Variants in RTTN observed in about 807,000 individuals in gnomAD.
The protein encoded by RTTN is rotatin.
A neutral mutation model predicts 269.2 loss-of-function variants in RTTN; 182 were observed. The ratio of observed to expected loss-of-function variants is 0.68; its 90% CI spans 0.60 to 0.76. The LOEUF is 0.76. Among genes scored for constraint, RTTN ranks in the 30% least tolerant of loss-of-function variants. The probability of loss-of-function intolerance (pLI) is 0.00; values close to 1 mark genes in which losing one functional copy is unlikely to be tolerated. For synonymous variants in RTTN, 1,006 were observed against 963.5 expected (o/e 1.04, Z -0.82); for missense variants, 2,545 against 2,608.6 (o/e 0.98, Z 0.53).
At chr18:70,024,031 C>T (rs1468097300) in intron 44 of RTTN, among the ~76,000 whole-genome samples, 9 of 152,208 alleles carry the variant, frequency 5.9e-5, no homozygotes, top group Non-Finnish European at 1.3e-4. Context: ...GATCCGCCTG[C>T]CTGGGTCTCC....
chr18:70,134,312 T>C lies in RTTN; in HGVS notation c.2954+161A>G, dbSNP rs537670767. On this transcript the variant is annotated intron_variant, in intron 23 of 48. Transcript: ENST00000640769. ...ATAAAAAATTGGTGGTGGGGAGATA[T>C]ACTTACTGAAATCTTCAAAGCACCA... Among the ~76,000 whole-genome samples the C allele has an allele frequency of 1.8e-4, 27 of 152,176 alleles. 1 individual carries two copies. In the South Asian group the frequency reaches 2.1e-3, roughly 12 times the overall value.
intron 5 of RTTN, among the ~76,000 whole-genome samples, chr18:70,199,061 C>T (rs1568559327): frequency 6.6e-6 from 1 of 152,138 alleles, no homozygotes; most frequent in East Asian, 1.9e-4. Context: ...GTGGTGCGTG[C>T]CTGTAATTCC....
intron 34 of RTTN, among the ~76,000 whole-genome samples, chr18:70,072,018 A>T (rs541182423): frequency 8.5e-5 from 13 of 152,226 alleles, no homozygotes; most frequent in Non-Finnish European, 1.6e-4. Context: ...TACATAAGAA[A>T]GTATGCCTTG....
intron 11 of RTTN, 54 bp downstream of exon 11, chr18:70,176,621 G>A (rs1229366646): frequency 2.7e-6 from 4 of 1,465,264 alleles, no homozygotes; most frequent in South Asian, 1.5e-5. Flanking sequence ...TTACAACAGA[G>A]CATTTATTTA....
chr18:70,144,139 G>GC (rs1389756632), intron 18 of RTTN, among the ~76,000 whole-genome samples: 1 of 152,134 alleles, frequency 6.6e-6, no homozygotes, highest in Non-Finnish European at 1.5e-5. Flanking sequence ...GAGCCACTGT[G>GC]CCCGGCCCCT....
rs552978268 is a variant in RTTN at position 70,146,891 on chromosome 18, G to A, written c.2310-1108C>T. Among the ~76,000 whole-genome samples the A allele has an allele frequency of 6.6e-5, 10 of 152,266 alleles. No homozygotes were observed. In the South Asian group the frequency reaches 1.2e-3, roughly 19 times the overall value. ...TCATCTCCAGAGGACTAATAAGTCAGGCAAACTTTCTCCCTCTCCATTTCC... is the reference window on the plus strand; with the variant it reads ...TCATCTCCAGAGGACTAATAAGTCAAGCAAACTTTCTCCCTCTCCATTTCC... On this transcript the variant is annotated intron_variant, in intron 17 of 48. Coordinates refer to ENST00000640769, the MANE Select transcript of RTTN (RefSeq NM_173630.4).
At chr18:70,006,914 C>T (rs1321919365) in intron 46 of RTTN, 3 of 155,012 alleles carry the variant, frequency 1.9e-5, no homozygotes, top group Non-Finnish European at 4.3e-5. Flanking sequence ...TATACAAAAA[C>T]GATCATCAAA....
chr18:70,081,114 G>A (rs2058556400), intron 32 of RTTN, among the ~76,000 whole-genome samples: 1 of 152,190 alleles, frequency 6.6e-6, no homozygotes, highest in African/African-American at 2.4e-5. Flanking sequence ...ATAAGCGGGA[G>A]CTATGCTATG....
At chr18:70,105,338 C>T (rs991856062) in intron 28 of RTTN, among the ~76,000 whole-genome samples, 4 of 152,200 alleles carry the variant, frequency 2.6e-5, no homozygotes, top group African/African-American at 9.7e-5. Flanking sequence ...TTTGCTAAGA[C>T]CATTGGAAAA....
At chr18:70,186,269 C>A (rs1385084949) in intron 10 of RTTN, among the ~76,000 whole-genome samples, 1 of 152,170 alleles carries the variant, frequency 6.6e-6, no homozygotes. Flanking sequence ...CTACAGTAAG[C>A]CTTCACTTAA....
chr18:70,063,002 T>C (rs2058034271), intron 35 of RTTN, among the ~76,000 whole-genome samples: 1 of 152,198 alleles, frequency 6.6e-6, no homozygotes, highest in African/African-American at 2.4e-5. Flanking sequence ...TCAAAAACTA[T>C]CCTTCTACTT....
chr18:70,112,450 G>A (rs932633337), intron 27 of RTTN, among the ~76,000 whole-genome samples: 4 of 130,938 alleles, frequency 3.1e-5, no homozygotes, highest in Non-Finnish European at 4.8e-5. Flanking sequence ...CAAAATAAAG[G>A]GATGGAGGAT....
chr18:70,018,070 T>C (rs973980331), intron 45 of RTTN, among the ~76,000 whole-genome samples: 2 of 152,234 alleles, frequency 1.3e-5, no homozygotes, highest in Non-Finnish European at 2.9e-5. Flanking sequence ...CAGTCTTGAA[T>C]ACTAGTTAAC....
chr18:70,050,995 T>G (rs60404539), intron 39 of RTTN, among the ~76,000 whole-genome samples: 9,261 of 152,132 alleles, frequency 0.061, 331 homozygotes, highest in African/African-American at 0.099. Context: ...GATGATCGGT[T>G]GATAGGTGCA....
At chr18:70,020,021 C>A (rs977028528) in intron 45 of RTTN, 1 of 152,120 alleles carries the variant, frequency 6.6e-6, no homozygotes, top group African/African-American at 2.4e-5. Context: ...ATTAGGGATT[C>A]TGTTTATACA....
intron 28 of RTTN, among the ~76,000 whole-genome samples, chr18:70,099,563 A>G (rs1217352619): frequency 2.0e-5 from 3 of 152,072 alleles, no homozygotes; most frequent in Non-Finnish European, 2.9e-5. Context: ...TTCTTTTGCT[A>G]TGCAGAAGCT....
intron 8 of RTTN, chr18:70,193,028 A>G (rs2061715277): frequency 3.1e-6 from 1 of 324,260 alleles, no homozygotes; most frequent in Non-Finnish European, 5.5e-6. Flanking sequence ...GGACACATAC[A>G]CACACATATA....
At chr18:70,052,177 T>C (rs2057689315) in intron 38 of RTTN, among the ~76,000 whole-genome samples, 1 of 152,186 alleles carries the variant, frequency 6.6e-6, no homozygotes, top group Non-Finnish European at 1.5e-5. Context: ...CTGAGGACTC[T>C]CTCTGACCAT....
At chr18:70,174,473 G>C (rs1265785250) in intron 11 of RTTN, among the ~76,000 whole-genome samples, 1 of 151,924 alleles carries the variant, frequency 6.6e-6, no homozygotes, top group East Asian at 1.9e-4. Flanking sequence ...TTCAGCCTTT[G>C]AACTAGTAAT....
Sources: gnomAD v4.1 joint callset for allele counts (sites outside exome capture counted in the v4.1 genomes callset) on GRCh38, gnomAD v4.1.1 for gene constraint, MANE v1.5 for transcripts, NCBI Gene and HGNC (gene_info 2026-07-23, HGNC 2026-07-21) for gene names.